The following SPRR2G variants were observed in gnomAD, a reference collection of about 807,000 sequenced individuals.
The protein encoded by SPRR2G is small proline rich protein 2G, also known as small proline-rich protein 2G.
A neutral mutation model predicts 0.7 loss-of-function variants in SPRR2G; 1 was observed. That is an observed-to-expected ratio of 1.49 (90% confidence interval 0.53 to 7.06). The LOEUF (loss-of-function observed/expected upper bound fraction) is 7.06. SPRR2G is among the 30% of genes most tolerant of loss of function. SPRR2G has a pLI of 0.14. For synonymous variants in SPRR2G, 38 were observed against 33.9 expected (o/e 1.12, Z -0.42); for missense variants, 96 against 88.5 (o/e 1.09, Z -0.34).
chr1:153,166,355 T>C, the SPRR2G span, among the ~76,000 whole-genome samples: 1 of 152,168 alleles, frequency 6.6e-6, no homozygotes, highest in East Asian at 1.9e-4. Context: ...GATTTGAGTG[T>C]TTATGAGCCT....
At chr1:153,195,815 C>T in the SPRR2G span, among the ~76,000 whole-genome samples, 1 of 152,104 alleles carries the variant, frequency 6.6e-6, no homozygotes. Flanking sequence ...TCACTCATCA[C>T]ACACACCTCC....
chr1:153,188,976 C>G, the SPRR2G span, among the ~76,000 whole-genome samples: 1 of 152,204 alleles, frequency 6.6e-6, no homozygotes, highest in Admixed American at 6.5e-5. Context: ...CCTCCATGGG[C>G]TGCACCCAAT....
At chr1:153,193,944 C>G in the SPRR2G span, among the ~76,000 whole-genome samples, 1 of 152,244 alleles carries the variant, frequency 6.6e-6, no homozygotes, top group East Asian at 1.9e-4. Context: ...CCACCATGCT[C>G]CAGCCCACAA....
chr1:153,184,414 G>T, the SPRR2G span, among the ~76,000 whole-genome samples: 3 of 152,216 alleles, frequency 2.0e-5, no homozygotes, highest in African/African-American at 7.2e-5. Flanking sequence ...CCTTGAAGAG[G>T]TCCTTCACGT....
the SPRR2G span, among the ~76,000 whole-genome samples, chr1:153,197,904 G>C: frequency 1.3e-5 from 2 of 152,174 alleles, no homozygotes; most frequent in Non-Finnish European, 2.9e-5. Context: ...ATTAACTATT[G>C]CCTGGCCAAC....
At chr1:153,158,871 C>T in the SPRR2G span, among the ~76,000 whole-genome samples, 1 of 152,180 alleles carries the variant, frequency 6.6e-6, no homozygotes, top group Non-Finnish European at 1.5e-5. Context: ...AGACTTGCAC[C>T]CTTTGCAGGA....
At chr1:153,180,313 C>T in the SPRR2G span, among the ~76,000 whole-genome samples, 413 of 152,254 alleles carry the variant, frequency 2.7e-3, 1 homozygote, top group African/African-American at 8.7e-3. Context: ...GCATCTAACA[C>T]TGTACATTTG....
the SPRR2G span, chr1:153,176,164 G>A: frequency 6.6e-6 from 1 of 152,194 alleles, no homozygotes; most frequent in Non-Finnish European, 1.5e-5. Flanking sequence ...GATACTGCCA[G>A]AGAAGGAATA....
the SPRR2G span, among the ~76,000 whole-genome samples, chr1:153,178,660 T>G: frequency 1.3e-5 from 2 of 152,138 alleles, no homozygotes; most frequent in Non-Finnish European, 2.9e-5. Context: ...CTTAATATAT[T>G]GCTAGACTCA....
the SPRR2G span, among the ~76,000 whole-genome samples, chr1:153,157,012 T>C: frequency 2.0e-5 from 3 of 152,134 alleles, no homozygotes; most frequent in African/African-American, 4.8e-5. Flanking sequence ...GTAAACCACA[T>C]GGTAAATTGA....
chr1:153,165,229 G>T, the SPRR2G span, among the ~76,000 whole-genome samples: 1 of 152,010 alleles, frequency 6.6e-6, no homozygotes, highest in African/African-American at 2.4e-5. Context: ...TCAGTTAATT[G>T]ATCAAAATAT....
the SPRR2G span, among the ~76,000 whole-genome samples, chr1:153,180,924 T>C: frequency 2.6e-5 from 4 of 152,320 alleles, no homozygotes; most frequent in African/African-American, 9.6e-5. Flanking sequence ...CTTTCATGAA[T>C]TGCCTGTTCA....
the SPRR2G span, among the ~76,000 whole-genome samples, chr1:153,189,892 G>T: frequency 6.6e-6 from 1 of 152,164 alleles, no homozygotes; most frequent in Non-Finnish European, 1.5e-5. Context: ...CTAGCCATCT[G>T]TGGGGCAGCC....
the SPRR2G span, among the ~76,000 whole-genome samples, chr1:153,196,990 G>T: frequency 6.6e-6 from 1 of 152,096 alleles, no homozygotes; most frequent in Non-Finnish European, 1.5e-5. Context: ...AGAGGAGTCC[G>T]GTAGAGCTTC....
the SPRR2G span, among the ~76,000 whole-genome samples, chr1:153,169,933 G>A: frequency 2.0e-5 from 3 of 152,112 alleles, no homozygotes; most frequent in Admixed American, 1.3e-4. Context: ...AGACTGAACC[G>A]CTTTATGGAA....
the SPRR2G span, among the ~76,000 whole-genome samples, chr1:153,192,628 T>G: frequency 6.6e-6 from 1 of 152,224 alleles, no homozygotes; most frequent in Non-Finnish European, 1.5e-5. Context: ...CTGGTTGATT[T>G]CAGACTGAAA....
chr1:153,194,520 C>G, the SPRR2G span, among the ~76,000 whole-genome samples: 3 of 152,202 alleles, frequency 2.0e-5, no homozygotes, highest in South Asian at 2.1e-4. Flanking sequence ...GCTGCTCCCA[C>G]TCTCTGGAAC....
chr1:153,188,669 C>T, the SPRR2G span, among the ~76,000 whole-genome samples: 1 of 152,174 alleles, frequency 6.6e-6, no homozygotes, highest in African/African-American at 2.4e-5. Flanking sequence ...AACACCCTTT[C>T]CAGGAGAGTG....
At chr1:153,194,849 C>A in the SPRR2G span, among the ~76,000 whole-genome samples, 1 of 152,178 alleles carries the variant, frequency 6.6e-6, no homozygotes, top group African/African-American at 2.4e-5. Flanking sequence ...TGGAGGCAAC[C>A]ATGGCTTTGA....
Sources: gnomAD v4.1 joint callset for allele counts (sites outside exome capture counted in the v4.1 genomes callset) on GRCh38, gnomAD v4.1.1 for gene constraint, MANE v1.5 for transcripts, NCBI Gene and HGNC (gene_info 2026-07-23, HGNC 2026-07-21) for gene names.